STYXL2: variants seen among roughly 807,000 people sequenced by gnomAD.
STYXL2 encodes the protein serine/threonine/tyrosine-interacting-like protein 2.
STYXL2 carries 44 observed loss-of-function variants against 52.4 expected under a neutral mutation model. That is an observed-to-expected ratio of 0.84 (90% CI 0.66 to 1.08). STYXL2 has a LOEUF of 1.08. Ranked by LOEUF, STYXL2 falls within the 50% of genes least tolerant of loss-of-function variation. STYXL2 has a pLI of 0.00. For synonymous variants in STYXL2, 604 were observed against 586.9 expected, an observed-to-expected ratio of 1.03 and a Z score of -0.42; for missense variants, 1,604 against 1,471.7, an observed-to-expected ratio of 1.09 and a Z score of -1.47.
chr1:167,096,271 A>T (rs545239300), intron 2 of STYXL2, among the ~76,000 whole-genome samples: 1 of 152,202 alleles, frequency 6.6e-6, no homozygotes, highest in East Asian at 1.9e-4. Flanking sequence ...AAAAAAGAAA[A>T]GAAAATTCAG....
intron 2 of STYXL2, among the ~76,000 whole-genome samples, chr1:167,097,240 T>C (rs1158191208): frequency 6.6e-6 from 1 of 152,232 alleles, no homozygotes; most frequent in African/African-American, 2.4e-5. Flanking sequence ...GTGTCCTGTT[T>C]ATGAAAATTT....
Position 167,126,446 on chromosome 1 carries a change from G to C in STYXL2, c.1315G>C (p.Ala439Pro), listed in dbSNP as rs774975802. The change falls in exon 6 of 6, where the codon GCC becomes CCC. Residue 439 changes from alanine (A) to proline (P), a missense_variant. Transcript: ENST00000361200. ...RRRRTLSESS[A>P]WESVSSHDIW... The stretch of plus-strand genomic sequence containing the variant: ...GCGGCGCACCCTGAGCGAGAGCAGC[G>C]CCTGGGAGAGCGTGAGCAGCCACGA... The C allele has an allele frequency of 1.9e-6, 3 of 1,579,684 alleles. 1 individual carries two copies. The highest frequency in any genetic ancestry group is 2.3e-5 in the South Asian group (2 of 86,672).
At chr1:167,097,436 C>T (rs980229806) in intron 2 of STYXL2, among the ~76,000 whole-genome samples, 14 of 152,286 alleles carry the variant, frequency 9.2e-5, no homozygotes, top group Middle Eastern at 3.4e-3. Context: ...CTGATTCATT[C>T]ATTTGCCTTT....
At chr1:167,121,506 G>A (rs1470306451) in intron 5 of STYXL2, among the ~76,000 whole-genome samples, 4 of 152,252 alleles carry the variant, frequency 2.6e-5, no homozygotes, top group African/African-American at 9.6e-5. Flanking sequence ...GCGGTCCCCC[G>A]CAGCATCCCA....
chr1:167,114,238 G>A (rs574934076), intron 3 of STYXL2, among the ~76,000 whole-genome samples: 1 of 152,110 alleles, frequency 6.6e-6, no homozygotes, highest in African/African-American at 2.4e-5. Flanking sequence ...GGAGGGAAAG[G>A]CTTGGGTGGG....
intron 2 of STYXL2, among the ~76,000 whole-genome samples, chr1:167,100,555 A>G (rs1667382847): frequency 6.6e-6 from 1 of 152,166 alleles, no homozygotes; most frequent in African/African-American, 2.4e-5. Flanking sequence ...TTAGCCTACC[A>G]CAAGACAAAA....
rs1009718529 is a variant in STYXL2 at position 167,126,090 on chromosome 1, G to T, written c.959G>T (p.Ser320Ile). 1 of 1,528,054 alleles carries T rather than the reference G, an allele frequency of 6.5e-7. No individual in the cohort carries two copies. The highest frequency in any genetic ancestry group is 2.2e-5 in the Admixed American group (1 of 46,480). The allele number at this position is 1,528,054 out of a possible 1,614,324, so 94.7% of individuals were successfully genotyped here. ...CTGACGGTGGAAGAGGAGGACGACA[G>T]CGCCAGCCACCTGAGTGGCTCCTCC... is the stretch of plus-strand genomic sequence containing the variant. Reference protein sequence around the residue: ...HALTVEEEDDSASHLSGSSLG... With the variant: ...HALTVEEEDDIASHLSGSSLG... The change falls in exon 6 of 6, where the codon AGC becomes ATC. Residue 320 changes from serine (S) to isoleucine (I), a missense_variant. Ser to Ile is a moderately radical substitution (Grantham distance 142). Transcript: ENST00000361200.
Position 167,127,834 on chromosome 1 carries a change from C to G in STYXL2, c.2703C>G (p.Arg901=). 1 of 1,613,840 alleles carries G rather than the reference C, an allele frequency of 6.2e-7. No homozygotes were observed. The highest frequency in any genetic ancestry group is 1.3e-5 in the African/African-American group (1 of 75,018). The change falls in exon 6 of 6, where the codon CGC becomes CGG. Residue 901 remains arginine (R), a synonymous_variant. Coordinates refer to ENST00000361200, the MANE Select transcript of STYXL2 (RefSeq NM_001080426.3). The part of the protein sequence containing the change: ...SAIGSFRYSS[R]SNSQKPETDT... The stretch of plus-strand genomic sequence containing the variant: ...TAGGGAGCTTCCGATATTCTTCCCG[C>G]AGTAATTCCCAGAAACCTGAAACAG...
chr1:167,117,653 A>T (rs1039003898), intron 4 of STYXL2, 94 bp downstream of exon 4: 10 of 1,185,184 alleles, frequency 8.4e-6, no homozygotes, highest in African/African-American at 7.6e-5. Context: ...AAAGGCGCCC[A>T]TAGGTCCATC....
chr1:167,097,326 C>T (rs1406603451), intron 2 of STYXL2, among the ~76,000 whole-genome samples: 2 of 152,150 alleles, frequency 1.3e-5, no homozygotes, highest in African/African-American at 4.8e-5. Flanking sequence ...GAAAATACGA[C>T]CCTTTCAAAA....
rs181305388 is a variant in STYXL2 at position 167,116,603 on chromosome 1, T to C, written c.206-725T>C. ...CTAACAGAGTGAATTATACTATGAA[T>C]GAATGCCATTCACTCATTTGGTAAA... On this transcript the variant is annotated intron_variant, in intron 3 of 5. Coordinates refer to ENST00000361200, the MANE Select transcript of STYXL2 (RefSeq NM_001080426.3). 3.8e-3 allele frequency among the ~76,000 whole-genome samples: 571 copies of C among 151,764 alleles called. 9 individuals carry two copies. The highest frequency in any genetic ancestry group is 3.0e-3 in the Non-Finnish European group (201 of 67,982).
In STYXL2 at chr1:167,105,720, A is replaced by C. The variant is rs370554948; in HGVS notation, c.111-7990A>C. On this transcript the variant is annotated intron_variant, in intron 2 of 5. Transcript: ENST00000361200. ...AGACTTAATAAACCGTGTCTGTGGC[A>C]AACAGTTTTATGACTATTAGGTTTA... 2.6e-5 allele frequency among the ~76,000 whole-genome samples: 4 copies of C among 152,294 alleles called. No individual in the cohort carries two copies. The East Asian group carries it at 5.8e-4, about 22-fold the overall frequency.
chr1:167,104,137 G>A (rs1667460936), intron 2 of STYXL2, among the ~76,000 whole-genome samples: 1 of 151,890 alleles, frequency 6.6e-6, no homozygotes, highest in African/African-American at 2.4e-5. Flanking sequence ...AGAAGTAAGT[G>A]CGCTTGTAAT....
chr1:167,115,064 AC>A (rs982052891), intron 3 of STYXL2, among the ~76,000 whole-genome samples: 1 of 152,226 alleles, frequency 6.6e-6, no homozygotes, highest in African/African-American at 2.4e-5. Flanking sequence ...AAAATAAAAA[AC>A]ATTTTCTCTC....
chr1:167,104,230 A>T (rs987203004), intron 2 of STYXL2, among the ~76,000 whole-genome samples: 14 of 151,746 alleles, frequency 9.2e-5, no homozygotes, highest in Admixed American at 6.6e-5. Flanking sequence ...TTTCCAACTA[A>T]AGGAGCAAAG....
chr1:167,096,352 C>T (rs1458738500), intron 2 of STYXL2, among the ~76,000 whole-genome samples: 1 of 152,150 alleles, frequency 6.6e-6, no homozygotes. Context: ...CTTGTATACC[C>T]CCGAATAAGG....
intron 3 of STYXL2, 44 bp downstream of exon 3, chr1:167,113,848 T>C (rs373957159): frequency 9.6e-6 from 14 of 1,463,996 alleles, no homozygotes; most frequent in African/African-American, 5.6e-5. Flanking sequence ...CCAGTGGTCA[T>C]CTGGAGACCC....
Position 167,127,092 on chromosome 1 carries a change from G to A in STYXL2, c.1961G>A (p.Ser654Asn), listed in dbSNP as rs1667990642. The change falls in exon 6 of 6, where the codon AGC becomes AAC. Residue 654 changes from serine (S) to asparagine (N), a missense_variant. Ser to Asn is a conservative substitution (Grantham distance 46). Transcript: ENST00000361200. ...TGGGAGGCGGACAGCTCCACGGCCAGCGGGAGCATTCCCCTGTCTGCGTTC... is the reference window on the plus strand; with the variant it reads ...TGGGAGGCGGACAGCTCCACGGCCAACGGGAGCATTCCCCTGTCTGCGTTC... Reference protein sequence around the residue: ...ASWEADSSTASGSIPLSAFWS... With the variant: ...ASWEADSSTANGSIPLSAFWS... The A allele has an allele frequency of 6.2e-7, 1 of 1,613,766 alleles. No homozygotes were observed. Among genetic ancestry groups the A allele is most frequent in the Non-Finnish European group, 8.5e-7 (1 of 1,179,788 alleles).
chr1:167,107,537 G>A (rs1470687114), intron 2 of STYXL2, among the ~76,000 whole-genome samples: 4 of 152,198 alleles, frequency 2.6e-5, no homozygotes, highest in African/African-American at 9.7e-5. Context: ...ACTTACTACT[G>A]GTGTCCCAGT....
Sources: gnomAD v4.1 joint callset for allele counts (sites outside exome capture counted in the v4.1 genomes callset) on GRCh38, gnomAD v4.1.1 for gene constraint, MANE v1.5 for transcripts, NCBI Gene and HGNC (gene_info 2026-07-23, HGNC 2026-07-21) for gene names.